Variants in SPMIP6 observed in about 807,000 individuals in gnomAD.
The protein encoded by SPMIP6 is ciliated bronchial epithelial protein 1.
chr9:34,379,363 A>G, the SPMIP6 span, among the ~76,000 whole-genome samples: 1 of 152,148 alleles, frequency 6.6e-6, no homozygotes, highest in African/African-American at 2.4e-5. This position sits in a 1 kb window ranked among gnomAD's most constrained non-coding sequence, Gnocchi z 4.2. Flanking sequence ...TTTCCTCCTT[A>G]ACATCGACTT....
the SPMIP6 span, chr9:34,397,471 T>C: frequency 6.2e-7 from 1 of 1,613,410 alleles, no homozygotes; most frequent in Non-Finnish European, 8.5e-7. Context: ...CACTCTGGCC[T>C]GCCCCTCCCC....
the SPMIP6 span, chr9:34,381,032 C>A: frequency 9.3e-6 from 15 of 1,611,494 alleles, no homozygotes; most frequent in Admixed American, 1.7e-5. The surrounding 1 kb of genome is among the most constrained non-coding windows in gnomAD (Gnocchi z 4.4). Flanking sequence ...GAAGGGCAGG[C>A]GGCCGGGCAG....
chr9:34,382,546 C>A, the SPMIP6 span: 5 of 563,588 alleles, frequency 8.9e-6, no homozygotes, highest in Non-Finnish European at 1.6e-5. Flanking sequence ...GGTTGCGCCA[C>A]TGCGCTCCAG....
the SPMIP6 span, among the ~76,000 whole-genome samples, chr9:34,387,210 A>C: frequency 6.6e-6 from 1 of 152,024 alleles, no homozygotes; most frequent in Non-Finnish European, 1.5e-5. Flanking sequence ...CATGTTGCCC[A>C]GGCTGGTCTT....
the SPMIP6 span, chr9:34,379,085 A>G: frequency 6.2e-7 from 1 of 1,602,432 alleles, no homozygotes. This position sits in a 1 kb window ranked among gnomAD's most constrained non-coding sequence, Gnocchi z 4.2. Context: ...TCTACCAGCA[A>G]CGATAGTCGG....
At chr9:34,386,725 C>G in the SPMIP6 span, among the ~76,000 whole-genome samples, 1 of 152,218 alleles carries the variant, frequency 6.6e-6, no homozygotes, top group East Asian at 1.9e-4. Context: ...GACACTTTTC[C>G]TGTTCTTGGT....
chr9:34,381,625 A>C, the SPMIP6 span: 1 of 1,438,172 alleles, frequency 7.0e-7, no homozygotes, highest in Non-Finnish European at 9.1e-7. The surrounding 1 kb of genome is among the most constrained non-coding windows in gnomAD (Gnocchi z 4.4). Context: ...TACATCGCCA[A>C]CAGGGGCGGG....
the SPMIP6 span, chr9:34,385,751 C>A: frequency 1.2e-6 from 2 of 1,613,562 alleles, no homozygotes. Flanking sequence ...GCTTCGGGAT[C>A]CACATGTCGC....
At chr9:34,379,030 A>C in the SPMIP6 span, 1 of 1,155,054 alleles carries the variant, frequency 8.7e-7, no homozygotes, top group Non-Finnish European at 1.3e-6. The surrounding 1 kb of genome is among the most constrained non-coding windows in gnomAD (Gnocchi z 4.2). Context: ...TTGGGGTTGA[A>C]GAGTTTATTT....
At chr9:34,379,662 G>T in the SPMIP6 span, 7 of 1,614,086 alleles carry the variant, frequency 4.3e-6, no homozygotes, top group Admixed American at 1.7e-5. The surrounding 1 kb of genome is among the most constrained non-coding windows in gnomAD (Gnocchi z 4.2). Context: ...TTCGGATATG[G>T]GTAGTATGAC....
the SPMIP6 span, chr9:34,379,555 C>G: frequency 8.7e-7 from 1 of 1,155,870 alleles, no homozygotes; most frequent in Non-Finnish European, 1.3e-6. The surrounding 1 kb of genome is among the most constrained non-coding windows in gnomAD (Gnocchi z 4.2). Context: ...GCGGAGCGTT[C>G]TCATCCCGTC....
the SPMIP6 span, chr9:34,382,773 T>A: frequency 1.9e-6 from 3 of 1,613,676 alleles, no homozygotes; most frequent in African/African-American, 4.0e-5. Flanking sequence ...CCGAGGAAGG[T>A]AGGTGGTATA....
chr9:34,390,937 G>T, the SPMIP6 span, among the ~76,000 whole-genome samples: 1 of 152,058 alleles, frequency 6.6e-6, no homozygotes, highest in South Asian at 2.1e-4. Context: ...GATTAATTTT[G>T]TATCAAAGTT....
chr9:34,389,518 T>TA, the SPMIP6 span, among the ~76,000 whole-genome samples: 2 of 152,198 alleles, frequency 1.3e-5, no homozygotes, highest in Admixed American at 6.5e-5. Context: ...TAACTGGGAC[T>TA]ACAGGCACAC....
chr9:34,381,310 C>G, the SPMIP6 span: 4 of 1,609,744 alleles, frequency 2.5e-6, no homozygotes, highest in Non-Finnish European at 3.4e-6. The surrounding 1 kb of genome is among the most constrained non-coding windows in gnomAD (Gnocchi z 4.4). Context: ...CCGCCCTCCT[C>G]CCGGCCTTCC....
At chr9:34,395,920 G>T in the SPMIP6 span, among the ~76,000 whole-genome samples, 1 of 152,166 alleles carries the variant, frequency 6.6e-6, no homozygotes, top group Non-Finnish European at 1.5e-5. Context: ...TTGTGGAAAT[G>T]TAAATTGTTA....
chr9:34,381,198 T>C, the SPMIP6 span: 1 of 1,555,154 alleles, frequency 6.4e-7, no homozygotes, highest in Non-Finnish European at 8.7e-7. The surrounding 1 kb of genome is among the most constrained non-coding windows in gnomAD (Gnocchi z 4.4). Flanking sequence ...AGAGGCCGAG[T>C]CACGGACAGA....
the SPMIP6 span, chr9:34,381,317 T>C: frequency 6.2e-7 from 1 of 1,608,862 alleles, no homozygotes; most frequent in Non-Finnish European, 8.5e-7. This position sits in a 1 kb window ranked among gnomAD's most constrained non-coding sequence, Gnocchi z 4.4. Flanking sequence ...CCTCCCGGCC[T>C]TCCCCAACCC....
the SPMIP6 span, chr9:34,381,460 A>G: frequency 4.8e-5 from 77 of 1,613,976 alleles, 2 homozygotes; most frequent in African/African-American, 7.1e-4. The surrounding 1 kb of genome is among the most constrained non-coding windows in gnomAD (Gnocchi z 4.4). Flanking sequence ...AGCGGCACAC[A>G]TGCTACCTCA....
Sources: gnomAD v4.1 joint callset for allele counts (sites outside exome capture counted in the v4.1 genomes callset) on GRCh38, gnomAD v4.1.1 for gene constraint, Gnocchi (gnomAD v3.1) non-coding constraint, MANE v1.5 for transcripts, NCBI Gene and HGNC (gene_info 2026-07-23, HGNC 2026-07-21) for gene names.